CASD1: variants seen among roughly 807,000 people sequenced by gnomAD.
The protein encoded by CASD1 is N-acetylneuraminate (7)9-O-acetyltransferase.
CASD1 carries 41 observed loss-of-function variants against 100.0 expected under a neutral mutation model. That is an observed-to-expected ratio of 0.41 (90% CI 0.32 to 0.53). CASD1 has a LOEUF of 0.53. Among genes scored for constraint, CASD1 ranks in the 20% least tolerant of loss-of-function variants. The pLI, the probability that CASD1 is intolerant of heterozygous loss-of-function variation, is 0.25. For missense variants in CASD1, 774 were observed against 948.7 expected (o/e 0.82, Z 2.42); for synonymous variants, 321 against 315.6 (o/e 1.02, Z -0.18).
chr7:94,518,884 A>G lies in CASD1; in HGVS notation c.351+561A>G, dbSNP rs561567127. Among the ~76,000 whole-genome samples the G allele has an allele frequency of 1.2e-4, 19 of 152,214 alleles. No individual in the cohort carries two copies. The South Asian group carries it at 3.7e-3, about 30-fold the overall frequency. On this transcript the variant is annotated intron_variant, in intron 3 of 17. Transcript: ENST00000297273. ...TAATTTAATTTTGCAGTTAAAAAAT[A>G]CATTTTAAATTACTTCTTTGTGTGA...
the CASD1 span, chr7:94,587,804 G>A: frequency 1.6e-5 from 24 of 1,546,492 alleles, no homozygotes; most frequent in South Asian, 3.7e-5. Flanking sequence ...GTTGTCAAAC[G>A]AAAATCTCCT....
the CASD1 span, among the ~76,000 whole-genome samples, chr7:94,566,699 T>C: frequency 6.6e-6 from 1 of 152,180 alleles, no homozygotes; most frequent in Non-Finnish European, 1.5e-5. Flanking sequence ...TATTGACTTT[T>C]CTCTCTCTTT....
chr7:94,613,038 C>T, the CASD1 span, among the ~76,000 whole-genome samples: 7 of 152,346 alleles, frequency 4.6e-5, no homozygotes, highest in East Asian at 1.4e-3. Context: ...AATGGTGCTC[C>T]TTGAACCCAG....
intron 13 of CASD1, among the ~76,000 whole-genome samples, chr7:94,548,290 CATA>C (rs1219674314): frequency 1.3e-5 from 2 of 151,660 alleles, no homozygotes; most frequent in Non-Finnish European, 3.0e-5. Context: ...TTATTGATCA[CATA>C]ATAAGAAATT....
the CASD1 span, chr7:94,585,243 T>C: frequency 2.3e-6 from 1 of 434,510 alleles, no homozygotes; most frequent in Admixed American, 3.7e-5. Flanking sequence ...ATTAATAATA[T>C]TTATTTTAAA....
chr7:94,625,881 A>G, the CASD1 span: 3 of 152,114 alleles, frequency 2.0e-5, no homozygotes, highest in African/African-American at 7.2e-5. Flanking sequence ...CCAGGAGGGC[A>G]TTTGCAAGTA....
chr7:94,605,312 T>A, the CASD1 span, among the ~76,000 whole-genome samples: 1 of 150,076 alleles, frequency 6.7e-6, no homozygotes, highest in Admixed American at 6.7e-5. Flanking sequence ...GAAAATGATA[T>A]AAGTCAGAAA....
chr7:94,565,158 A>G, the CASD1 span, among the ~76,000 whole-genome samples: 50 of 152,144 alleles, frequency 3.3e-4, no homozygotes, highest in Non-Finnish European at 2.8e-4. Flanking sequence ...CAAGACTCTA[A>G]TGGTAAAGCA....
At chr7:94,511,600 T>G (rs1220788614) in intron 1 of CASD1, among the ~76,000 whole-genome samples, 1 of 152,220 alleles carries the variant, frequency 6.6e-6, no homozygotes. Context: ...CATTGATTTG[T>G]GGTGGTTTTG....
Position 94,551,370 on chromosome 7 carries a change from T to G in CASD1, c.1848T>G (p.Ile616Met). ...VVFHGMLFAFIYLALQKRQIL... is the reference protein window; with the variant it reads ...VVFHGMLFAFMYLALQKRQIL... ...TCCACGGAATGCTGTTTGCTTTTATTTATCTGGCTTTGCAGAAGCGTCAAA... is the reference window on the plus strand; with the variant it reads ...TCCACGGAATGCTGTTTGCTTTTATGTATCTGGCTTTGCAGAAGCGTCAAA... Residue 616 changes from isoleucine to methionine, a missense_variant, in exon 15 of 18, where the codon ATT (isoleucine) becomes ATG (methionine). This residue lies in a region of CASD1 where 10 missense variants were observed against 32.5 expected (regional missense o/e 0.31). Coordinates refer to ENST00000297273, the MANE Select transcript of CASD1 (RefSeq NM_022900.5). The G allele has an allele frequency of 6.4e-7, 1 of 1,550,552 alleles. No individual in the cohort carries two copies. The highest frequency in any genetic ancestry group is 8.6e-7 in the Non-Finnish European group (1 of 1,157,186).
intron 3 of CASD1, among the ~76,000 whole-genome samples, chr7:94,519,999 G>A (rs1285874121): frequency 6.6e-6 from 1 of 152,162 alleles, no homozygotes; most frequent in African/African-American, 2.4e-5. Context: ...AGCCCTAGTT[G>A]CAACACTTAG....
chr7:94,572,889 TCTTGAGTTGATTTTTTA>T, the CASD1 span, among the ~76,000 whole-genome samples: 1 of 152,210 alleles, frequency 6.6e-6, no homozygotes, highest in Non-Finnish European at 1.5e-5. Flanking sequence ...CTTTAGTCCA[TCTTGAGTTGATTTTTTA>T]TATGGTGTAA....
At chr7:94,566,136 A>G in the CASD1 span, among the ~76,000 whole-genome samples, 1 of 152,168 alleles carries the variant, frequency 6.6e-6, no homozygotes, top group Non-Finnish European at 1.5e-5. Flanking sequence ...TTTCATGTCA[A>G]CCACAAAGAA....
At chr7:94,571,986 T>A in the CASD1 span, among the ~76,000 whole-genome samples, 1,872 of 152,270 alleles carry the variant, frequency 0.012, 43 homozygotes, top group African/African-American at 0.043. Flanking sequence ...ATAGAAGTGG[T>A]GTCCCTCAGC....
At chr7:94,605,261 T>G in the CASD1 span, among the ~76,000 whole-genome samples, 1 of 152,098 alleles carries the variant, frequency 6.6e-6, no homozygotes, top group Non-Finnish European at 1.5e-5. Flanking sequence ...AAAGTGAAAC[T>G]ACTTTGCAAG....
At chr7:94,568,650 C>G in the CASD1 span, among the ~76,000 whole-genome samples, 1 of 152,138 alleles carries the variant, frequency 6.6e-6, no homozygotes, top group Admixed American at 6.6e-5. Context: ...GTGCTATGGT[C>G]TGAATGTGTA....
At chr7:94,616,613 G>A in the CASD1 span, among the ~76,000 whole-genome samples, 2 of 151,984 alleles carry the variant, frequency 1.3e-5, no homozygotes, top group Non-Finnish European at 2.9e-5. Context: ...ATATACACAG[G>A]TAAAAAGGAA....
Position 94,547,151 on chromosome 7 carries a change from C to G in CASD1, c.1689C>G (p.Phe563Leu). ...LLLKLGFLLL[F>L]ICFLAYSQGA... ...TGAAACTAGGCTTTTTGCTGTTATT[C>G]ATATGTTTTTTGGCATATTCTCAGG... is the stretch of plus-strand genomic sequence containing the variant. Residue 563 changes from phenylalanine to leucine, a missense_variant, in exon 13 of 18, where the codon TTC becomes TTG. Coordinates refer to ENST00000297273, the MANE Select transcript of CASD1 (RefSeq NM_022900.5). 6.3e-7 allele frequency: 1 copy of G among 1,587,652 alleles called. No homozygotes were observed. The highest frequency in any genetic ancestry group is 8.6e-7 in the Non-Finnish European group (1 of 1,166,002).
chr7:94,524,683 C>T (rs2116247707), intron 3 of CASD1, among the ~76,000 whole-genome samples: 1 of 152,100 alleles, frequency 6.6e-6, no homozygotes, highest in East Asian at 1.9e-4. Flanking sequence ...AGAAGATAAC[C>T]ATTAGTGCTG....
Sources: allele counts gnomAD v4.1 joint callset (sites outside exome capture counted in the v4.1 genomes callset), GRCh38; gene constraint gnomAD v4.1.1; regional missense constraint gnomAD v4.1.1; transcripts MANE v1.5; gene names NCBI Gene and HGNC (gene_info 2026-07-23, HGNC 2026-07-21).